Variants in CCDC175 observed in about 807,000 individuals in gnomAD.
The protein encoded by CCDC175 is coiled-coil domain containing 175, also known as coiled-coil domain-containing protein 175.
Under a neutral mutation model 114.6 loss-of-function variants are expected in CCDC175, and 100 were observed. The ratio of observed to expected loss-of-function variants is 0.87; its 90% CI spans 0.74 to 1.03. The LOEUF is 1.03. CCDC175 is among the 50% of genes least tolerant of loss of function. The probability of loss-of-function intolerance (pLI) is 0.00; values close to 1 mark genes in which losing one functional copy is unlikely to be tolerated. For synonymous variants in CCDC175, 306 were observed against 308.7 expected, an observed-to-expected ratio of 0.99 and a Z score of 0.09; for missense variants, 880 against 917.8, an observed-to-expected ratio of 0.96 and a Z score of 0.53.
At chr14:59,571,556 A>G (rs1405723159) in intron 3 of CCDC175, among the ~76,000 whole-genome samples, 12 of 152,228 alleles carry the variant, frequency 7.9e-5, no homozygotes, top group South Asian at 4.1e-4. Flanking sequence ...TCAAATCACA[A>G]TAAGATACCA....
At chr14:59,557,468 G>T (rs1401657823) in intron 7 of CCDC175, among the ~76,000 whole-genome samples, 1 of 137,862 alleles carries the variant, frequency 7.3e-6, no homozygotes, top group Non-Finnish European at 1.6e-5. Flanking sequence ...GCCTGTTGTG[G>T]GGTGGGGGGA....
intron 19 of CCDC175, among the ~76,000 whole-genome samples, chr14:59,506,758 C>G (rs8005589): frequency 0.39 from 59,307 of 152,060 alleles, 12,319 homozygotes; most frequent in African/African-American, 0.52. Context: ...AGGTGTTTTT[C>G]TAGACTTAAT....
intron 17 of CCDC175, among the ~76,000 whole-genome samples, chr14:59,513,299 G>A (rs934792256): frequency 6.6e-6 from 1 of 152,142 alleles, no homozygotes; most frequent in Non-Finnish European, 1.5e-5. Flanking sequence ...CATCTCACTG[G>A]GGAGTGTCAG....
chr14:59,574,618 T>C lies in CCDC175; in HGVS notation c.243+325A>G, dbSNP rs941460346. On this transcript the variant is annotated intron_variant, in intron 2 of 19. Coordinates refer to ENST00000537690, the MANE Select transcript of CCDC175 (RefSeq NM_001164399.2). ...TTGTTTGTTTTAAGCAATGCTTATATATTGGTGTCCCAAGCATTTGCCCAT... is the reference window on the plus strand; with the variant it reads ...TTGTTTGTTTTAAGCAATGCTTATACATTGGTGTCCCAAGCATTTGCCCAT... Among the ~76,000 whole-genome samples the C allele has an allele frequency of 2.6e-5, 4 of 152,244 alleles. No individual in the cohort carries two copies. In the South Asian group the frequency reaches 8.3e-4, roughly 32 times the overall value.
Position 59,555,294 on chromosome 14 carries a change from T to G in CCDC175, c.954-3858A>C, listed in dbSNP as rs561580470. Among the ~76,000 whole-genome samples, 57 of 152,244 alleles carry G rather than the reference T, an allele frequency of 3.7e-4. 2 individuals carry two copies. In the South Asian group the frequency reaches 0.011, roughly 29 times the overall value. ...ATCAAGTGGGCTTCATCCCTGGGAT[T>G]CAAGGCTGGTTCAACACATGCAAAT... is the stretch of plus-strand genomic sequence containing the variant. On this transcript the variant is annotated intron_variant, in intron 7 of 19. Transcript: ENST00000537690.
At chr14:59,572,658 T>C (rs1398816079) in intron 3 of CCDC175, 44 bp downstream of exon 3, 2 of 1,080,068 alleles carry the variant, frequency 1.9e-6, no homozygotes, top group Non-Finnish European at 1.3e-6. Flanking sequence ...TTCATTCTGT[T>C]ATAAGATCAA....
rs1391356796 is a variant in CCDC175 at position 59,525,410 on chromosome 14, G to T, written c.1867C>A (p.Gln623Lys). 2.0e-6 allele frequency: 3 copies of T among 1,511,798 alleles called. No individual in the cohort carries two copies. Among genetic ancestry groups the T allele is most frequent in the African/African-American group, 2.8e-5 (2 of 70,776 alleles). 93.6% of individuals were successfully genotyped at this position (1,511,798 alleles called of 1,614,324 possible). Reference sequence around the variant, plus strand: ...TTTTTGCTTTCTTGATCTCGTAATTGTTGTAATTCTTGTTTTACATCTTCC... The same window carrying T: ...TTTTTGCTTTCTTGATCTCGTAATTTTTGTAATTCTTGTTTTACATCTTCC... ...NMEDVKQELQ[Q>K]LRDQESKKNK... The change falls in exon 16 of 20, where the codon CAA becomes AAA. Residue 623 changes from glutamine (Q) to lysine (K), a missense_variant. Coordinates refer to ENST00000537690, the MANE Select transcript of CCDC175 (RefSeq NM_001164399.2).
chr14:59,533,416 A>C (rs1193277122), intron 13 of CCDC175, among the ~76,000 whole-genome samples: 1 of 152,196 alleles, frequency 6.6e-6, no homozygotes, highest in African/African-American at 2.4e-5. Context: ...ACCCAGGGCC[A>C]GTTTCCCAAT....
At chr14:59,555,207 A>C (rs570344743) in intron 7 of CCDC175, among the ~76,000 whole-genome samples, 1 of 152,182 alleles carries the variant, frequency 6.6e-6, no homozygotes, top group Non-Finnish European at 1.5e-5. Flanking sequence ...TCGATGAAAA[A>C]ATCCTCAATA....
chr14:59,536,535 C>G (rs1464301303), intron 13 of CCDC175, among the ~76,000 whole-genome samples: 16 of 151,952 alleles, frequency 1.1e-4, no homozygotes, highest in Admixed American at 8.5e-4. Flanking sequence ...GGCACCTAGA[C>G]TAATGCTTTC....
At chr14:59,514,346 C>T (rs1892937288) in intron 17 of CCDC175, among the ~76,000 whole-genome samples, 1 of 152,100 alleles carries the variant, frequency 6.6e-6, no homozygotes, top group Non-Finnish European at 1.5e-5. Flanking sequence ...GAGAAGAAGG[C>T]TTCAGACGAT....
Position 59,572,729 on chromosome 14 carries a change from G to T in CCDC175, c.328C>A (p.Pro110Thr), listed in dbSNP as rs766030316. ...NKLYYLLETL[P>T]NSIKRELEEC... Reference sequence around the variant, plus strand: ...TCCAATTCCCTCTTAATGCTATTGGGAAGAGTTTCCAATAGATAGTATAGT... The same window carrying T: ...TCCAATTCCCTCTTAATGCTATTGGTAAGAGTTTCCAATAGATAGTATAGT... The change falls in exon 3 of 20, where the codon CCC (proline) becomes ACC (threonine). Residue 110 changes from proline to threonine, a missense_variant. Physicochemically the swap from Pro to Thr is conservative, Grantham distance 38 (BLOSUM62 -1). Coordinates refer to ENST00000537690, the MANE Select transcript of CCDC175 (RefSeq NM_001164399.2). 1 of 1,508,508 alleles carries T rather than the reference G, an allele frequency of 6.6e-7. No individual in the cohort carries two copies. Among genetic ancestry groups the T allele is most frequent in the South Asian group, 1.3e-5 (1 of 78,060 alleles). 93.4% of individuals were successfully genotyped at this position (1,508,508 alleles called of 1,614,324 possible). A position where few individuals can be genotyped will look rare whatever the true frequency, so the allele number is the denominator to read the frequency against.
At chr14:59,506,547 C>T (rs1892409011) in intron 19 of CCDC175, among the ~76,000 whole-genome samples, 1 of 152,076 alleles carries the variant, frequency 6.6e-6, no homozygotes, top group Non-Finnish European at 1.5e-5. Flanking sequence ...CTCAGCCTCC[C>T]AAAGTACTGG....
chr14:59,534,072 G>A (rs1894250817), intron 13 of CCDC175, among the ~76,000 whole-genome samples: 2 of 150,688 alleles, frequency 1.3e-5, no homozygotes, highest in African/African-American at 4.9e-5. Flanking sequence ...ATACAAGTTT[G>A]TATGTGCATG....
intron 6 of CCDC175, among the ~76,000 whole-genome samples, chr14:59,562,604 G>A (rs972449251): frequency 1.3e-5 from 2 of 152,168 alleles, no homozygotes. Context: ...GGGCAGGCTG[G>A]ATTGTGGGAA....
chr14:59,505,422 GT>G, intron 19 of CCDC175, 107 bp from the exon 20 acceptor site: 1 of 507,288 alleles, frequency 2.0e-6, no homozygotes, highest in Non-Finnish European at 3.3e-6. Flanking sequence ...CCTCAATTGA[GT>G]AATTGTATAA....
At chr14:59,510,495 A>G (rs1410051892) in intron 19 of CCDC175, 151 bp downstream of exon 19, 2 of 784,002 alleles carry the variant, frequency 2.6e-6, no homozygotes, top group East Asian at 5.5e-5. Flanking sequence ...TTCAACCCCA[A>G]ATAAGTATCA....
At chr14:59,544,410 C>T (rs1894978406) in intron 9 of CCDC175, among the ~76,000 whole-genome samples, 1 of 152,014 alleles carries the variant, frequency 6.6e-6, no homozygotes, top group Non-Finnish European at 1.5e-5. Flanking sequence ...AATAATGAGG[C>T]TCAGAGAAGT....
chr14:59,513,275 T>C (rs1222642243), intron 17 of CCDC175, among the ~76,000 whole-genome samples: 1 of 152,156 alleles, frequency 6.6e-6, no homozygotes, highest in Non-Finnish European at 1.5e-5. Flanking sequence ...CATTTCCAAC[T>C]GAGGTACTGG....
Sources: allele counts gnomAD v4.1 joint callset (sites outside exome capture counted in the v4.1 genomes callset), GRCh38; gene constraint gnomAD v4.1.1; transcripts MANE v1.5; gene names NCBI Gene and HGNC (gene_info 2026-07-23, HGNC 2026-07-21).